The following NOM1 variants were observed in gnomAD, a reference collection of about 807,000 sequenced individuals.
NOM1 encodes nucleolar MIF4G domain-containing protein 1.
Under a neutral mutation model 73.3 loss-of-function variants are expected in NOM1, and 58 were observed. The ratio of observed to expected loss-of-function variants is 0.79; its 90% confidence interval spans 0.64 to 0.99. The LOEUF is 0.99. Ranked by LOEUF, NOM1 falls within the 50% of genes least tolerant of loss-of-function variation. The pLI is 0.00. For synonymous variants in NOM1, 487 were observed against 446.8 expected, an observed-to-expected ratio of 1.09 and a Z score of -1.14; for missense variants, 1,226 against 1,131.9, an observed-to-expected ratio of 1.08 and a Z score of -1.19.
rs1340212506 is a variant in NOM1 at position 156,957,677 on chromosome 7, A to G, written c.1309-2174A>G. ...ATAGTCCCTGCTACTCGGGAGGCTG[A>G]GGCAGGAGGATGGCGTGAACCCAGC... On this transcript the variant is annotated intron_variant, in intron 3 of 10. Transcript: ENST00000275820. 2.0e-5 allele frequency among the ~76,000 whole-genome samples: 3 copies of G among 147,766 alleles called. No homozygotes were observed. The East Asian group carries it at 6.5e-4, about 32-fold the overall frequency.
intron 5 of NOM1, among the ~76,000 whole-genome samples, 171 bp from the exon 6 acceptor site, chr7:156,962,837 A>T (rs1228972871): frequency 6.6e-6 from 1 of 152,222 alleles, no homozygotes; most frequent in Non-Finnish European, 1.5e-5. Flanking sequence ...CACTGAGTTT[A>T]CCGCTAGTTT....
chr7:156,970,361 T>A lies in NOM1; in HGVS notation c.*658T>A, dbSNP rs1805112952. The A allele has an allele frequency of 6.6e-6, 1 of 152,070 alleles. No homozygotes were observed. The highest frequency in any genetic ancestry group is 2.4e-5 in the African/African-American group (1 of 41,384). The allele number at this position is 152,070 out of a possible 1,614,324, so 9.4% of individuals were successfully genotyped here. On this transcript the variant is annotated 3_prime_UTR_variant, in exon 11 of 11. Transcript: ENST00000275820. Reference sequence around the variant, plus strand: ...GCAGTTATAAAGAAATTGATGAGGTTTTTACCTTTTTAAAATATTGGTTAG... The same window carrying A: ...GCAGTTATAAAGAAATTGATGAGGTATTTACCTTTTTAAAATATTGGTTAG...
At chr7:156,953,652 G>A (rs1382462930) in intron 2 of NOM1, among the ~76,000 whole-genome samples, 1 of 152,110 alleles carries the variant, frequency 6.6e-6, no homozygotes, top group Non-Finnish European at 1.5e-5. Context: ...ACGTACATAT[G>A]TGTGTAGTGT....
Position 156,950,552 on chromosome 7 carries a change from A to C in NOM1, c.815A>C (p.Lys272Thr). 6 of 1,612,076 alleles carry C rather than the reference A, an allele frequency of 3.7e-6. No homozygotes were observed. Among genetic ancestry groups the C allele is most frequent in the South Asian group, 2.2e-5 (2 of 90,982 alleles). ...EEEGDVEKEK[K>T]AQEAEAQSED... Reference sequence around the variant, plus strand: ...GAGGGAGACGTAGAAAAGGAAAAGAAGGCGCAGGAAGCAGAAGCGCAGAGC... The same window carrying C: ...GAGGGAGACGTAGAAAAGGAAAAGACGGCGCAGGAAGCAGAAGCGCAGAGC... Residue 272 changes from lysine to threonine, a missense_variant, in exon 1 of 11, where the codon AAG becomes ACG. Lys to Thr is a moderately conservative substitution (Grantham distance 78). Coordinates refer to ENST00000275820, the MANE Select transcript of NOM1 (RefSeq NM_138400.2).
Position 156,962,008 on chromosome 7 carries a change from G to T in NOM1, c.1633-143G>T, listed in dbSNP as rs369511590. The stretch of plus-strand genomic sequence containing the variant: ...TAAGCGGCTGAGACTAGTTTAGACT[G>T]TCTCTACCTAAAGGCTGTCCTGACT... On this transcript the variant is annotated intron_variant, in intron 4 of 10. Transcript: ENST00000275820. 7 of 687,096 alleles carry T rather than the reference G, an allele frequency of 1.0e-5. No homozygotes were observed. In the East Asian group the frequency reaches 1.0e-4, roughly 10 times the overall value. 42.6% of individuals were successfully genotyped at this position (687,096 alleles called of 1,614,324 possible). A position where few individuals can be genotyped will look rare whatever the true frequency, so the allele number is the denominator to read the frequency against.
In NOM1 at chr7:156,949,779, C is replaced by T; in HGVS notation, c.42C>T (p.Gly14=). 1 of 1,399,202 alleles carries T rather than the reference C, an allele frequency of 7.1e-7. No individual in the cohort carries two copies. Among genetic ancestry groups the T allele is most frequent in the Non-Finnish European group, 9.2e-7 (1 of 1,081,664 alleles). The allele number at this position is 1,399,202 out of a possible 1,614,324, so 86.7% of individuals were successfully genotyped here. A position where few individuals can be genotyped will look rare whatever the true frequency, so the allele number is the denominator to read the frequency against. ...SRSAGEAGPG[G]SQGRVVRMKR... ...GCGCGGGAGAGGCCGGCCCGGGCGG[C>T]TCCCAGGGACGCGTGGTCCGCATGA... Residue 14 remains glycine (G), a synonymous_variant, in exon 1 of 11, where the codon GGC becomes GGT. Coordinates refer to ENST00000275820, the MANE Select transcript of NOM1 (RefSeq NM_138400.2).
rs530874171 is a variant in NOM1, at chr7:156,972,606, G to C, written c.*2903G>C. ...CCAGCACTTTGGGAGGTTGCGGGTG[G>C]ATCACTTGAGGTCAGGAGTTCGAGA... is the stretch of plus-strand genomic sequence containing the variant. On this transcript the variant is annotated 3_prime_UTR_variant, in exon 11 of 11. Coordinates refer to ENST00000275820, the MANE Select transcript of NOM1 (RefSeq NM_138400.2). 6.6e-6 allele frequency: 1 copy of C among 152,280 alleles called. No individual in the cohort carries two copies. Among genetic ancestry groups the C allele is most frequent in the East Asian group, 1.9e-4 (1 of 5,202 alleles). The allele number at this position is 152,280 out of a possible 1,614,324, so 9.4% of individuals were successfully genotyped here. A position where few individuals can be genotyped will look rare whatever the true frequency, so the allele number is the denominator to read the frequency against.
chr7:156,964,599 C>G (rs2365993), intron 7 of NOM1, among the ~76,000 whole-genome samples: 1 of 151,924 alleles, frequency 6.6e-6, no homozygotes, highest in Non-Finnish European at 1.5e-5. Context: ...AAAAAAAAAT[C>G]TTTAAATGTA....
intron 6 of NOM1, chr7:156,963,492 A>G: frequency 2.2e-6 from 1 of 454,530 alleles, no homozygotes; most frequent in Non-Finnish European, 4.0e-6. Context: ...CGGGCTGTGC[A>G]TTCTAGGCTA....
chr7:156,960,004 A>G lies in NOM1; in HGVS notation c.1462A>G (p.Lys488Glu). 2 of 1,614,182 alleles carry G rather than the reference A, an allele frequency of 1.2e-6. No homozygotes were observed. Among genetic ancestry groups the G allele is most frequent in the Non-Finnish European group, 1.7e-6 (2 of 1,180,034 alleles). ...VQSLLIFDILKKLIGTFTEKD... is the reference protein window; with the variant it reads ...VQSLLIFDILEKLIGTFTEKD... Reference sequence around the variant, plus strand: ...GTCTCTCCTCATCTTCGACATTTTGAAAAAACTGATTGGAACTTTCACCGA... The same window carrying G: ...GTCTCTCCTCATCTTCGACATTTTGGAAAAACTGATTGGAACTTTCACCGA... The change falls in exon 4 of 11, where the codon AAA becomes GAA. Residue 488 changes from lysine (K) to glutamate (E), a missense_variant. Coordinates refer to ENST00000275820, the MANE Select transcript of NOM1 (RefSeq NM_138400.2).
intron 5 of NOM1, 67 bp from the exon 6 acceptor site, chr7:156,962,941 A>G: frequency 6.6e-7 from 1 of 1,516,664 alleles, no homozygotes; most frequent in African/African-American, 1.4e-5. Context: ...ACAAAAAGCC[A>G]CCGGTGATGG....
intron 3 of NOM1, among the ~76,000 whole-genome samples, chr7:156,959,293 G>C (rs1804803878): frequency 7.0e-6 from 1 of 142,214 alleles, no homozygotes; most frequent in Non-Finnish European, 1.6e-5. Context: ...TAGTAGACAC[G>C]GGGTTTCACC....
intron 3 of NOM1, 78 bp from the exon 4 acceptor site, chr7:156,959,773 A>C: frequency 2.2e-6 from 3 of 1,358,848 alleles, no homozygotes; most frequent in Non-Finnish European, 3.1e-6. Context: ...TAATTTAGAA[A>C]GTGCCAGTTC....
chr7:156,958,647 A>T (rs1427608332), intron 3 of NOM1: 1 of 152,248 alleles, frequency 6.6e-6, no homozygotes, highest in Non-Finnish European at 1.5e-5. Flanking sequence ...GACCACACAG[A>T]CCCACATGCA....
At chr7:156,962,441 G>A (rs542556865) in intron 5 of NOM1, among the ~76,000 whole-genome samples, 180 bp downstream of exon 5, 88 of 152,324 alleles carry the variant, frequency 5.8e-4, no homozygotes, top group Admixed American at 2.7e-3. Context: ...TGGTCTGGGC[G>A]TGCTCGTGCA....
intron 7 of NOM1, among the ~76,000 whole-genome samples, chr7:156,964,659 T>C (rs1426064405): frequency 3.9e-5 from 6 of 152,226 alleles, no homozygotes; most frequent in Non-Finnish European, 8.8e-5. Context: ...TTAATACATA[T>C]TCTTTTATTT....
chr7:156,965,375 T>A (rs542400037), intron 7 of NOM1, among the ~76,000 whole-genome samples: 2 of 152,204 alleles, frequency 1.3e-5, no homozygotes, highest in African/African-American at 4.8e-5. Flanking sequence ...GACTCTCGAG[T>A]GTATTCTGCC....
At chr7:156,950,836 G>C (rs1804575109) in intron 1 of NOM1, 112 bp downstream of exon 1, 6 of 921,528 alleles carry the variant, frequency 6.5e-6, no homozygotes, top group Non-Finnish European at 9.7e-6. Context: ...AATGGTTTCA[G>C]CTGAATGTGA....
At chr7:156,966,453 A>G in intron 8 of NOM1, 51 bp downstream of exon 8, 1 of 1,606,556 alleles carries the variant, frequency 6.2e-7, no homozygotes, top group Non-Finnish European at 8.5e-7. Context: ...TTTTTTCTAC[A>G]CAGGCTACCT....
Sources: allele counts gnomAD v4.1 joint callset (sites outside exome capture counted in the v4.1 genomes callset), GRCh38; gene constraint gnomAD v4.1.1; transcripts MANE v1.5; gene names NCBI Gene and HGNC (gene_info 2026-07-23, HGNC 2026-07-21).